The following ADAM9 variants were observed in gnomAD, a reference collection of about 807,000 sequenced individuals.
ADAM9 encodes the protein ADAM metallopeptidase domain 9.
ADAM9 carries 54 observed loss-of-function variants against 108.1 expected under a neutral mutation model. The ratio of observed to expected loss-of-function variants is 0.50; its 90% CI spans 0.40 to 0.63. The LOEUF is 0.63. Among genes scored for constraint, ADAM9 ranks in the 20% least tolerant of loss-of-function variants. The pLI, the probability that ADAM9 is intolerant of heterozygous loss-of-function variation, is 0.00. For synonymous variants in ADAM9, 316 were observed against 336.0 expected (o/e 0.94, Z 0.65); for missense variants, 830 against 997.7 (o/e 0.83, Z 2.26).
chr8:39,070,022 G>A, intron 14 of ADAM9, among the ~76,000 whole-genome samples: 1 of 148,722 alleles, frequency 6.7e-6, no homozygotes, highest in Admixed American at 6.7e-5. Context: ...GTGTGGTGGT[G>A]CATGCCTGCA....
intron 15 of ADAM9, chr8:39,075,751 A>G (rs555549544): frequency 1.3e-5 from 2 of 152,348 alleles, no homozygotes; most frequent in South Asian, 4.1e-4. Flanking sequence ...GTAGGCCCCA[A>G]CAGATCTTAA....
At chr8:39,099,303 C>T (rs943836428) in intron 20 of ADAM9, among the ~76,000 whole-genome samples, 1 of 152,096 alleles carries the variant, frequency 6.6e-6, no homozygotes, top group Non-Finnish European at 1.5e-5. Flanking sequence ...AAGGCAACTC[C>T]GTAGTTTGGA....
At chr8:39,086,431 G>A (rs76172467) in intron 18 of ADAM9, among the ~76,000 whole-genome samples, 6,485 of 152,178 alleles carry the variant, frequency 0.043, 478 homozygotes, top group African/African-American at 0.15. Flanking sequence ...ACTTGATCTA[G>A]TGTGTTTTTC....
chr8:39,075,301 T>C (rs1051251203), intron 15 of ADAM9, among the ~76,000 whole-genome samples: 6 of 152,126 alleles, frequency 3.9e-5, no homozygotes, highest in African/African-American at 1.4e-4. Flanking sequence ...TAGTGCTGGG[T>C]AGTCTTATTA....
intron 8 of ADAM9, among the ~76,000 whole-genome samples, chr8:39,022,105 A>T: frequency 6.6e-6 from 1 of 150,928 alleles, no homozygotes; most frequent in African/African-American, 2.5e-5. Flanking sequence ...TGTGAGAGAG[A>T]GAGAGAGAGA....
chr8:39,026,269 G>T (rs537932094), intron 10 of ADAM9, among the ~76,000 whole-genome samples: 1 of 151,992 alleles, frequency 6.6e-6, no homozygotes, highest in African/African-American at 2.4e-5. Flanking sequence ...CCCACCTCCC[G>T]ACAGGCCCCG....
chr8:39,051,050 T>G (rs1469359290), intron 12 of ADAM9, among the ~76,000 whole-genome samples: 2 of 152,016 alleles, frequency 1.3e-5, no homozygotes, highest in South Asian at 2.1e-4. Context: ...TGGTCCTCCT[T>G]TGGGAGAAGC....
At chr8:38,997,804 A>G (rs559017028) in intron 1 of ADAM9, among the ~76,000 whole-genome samples, 1 of 152,336 alleles carries the variant, frequency 6.6e-6, no homozygotes, top group South Asian at 2.1e-4. Context: ...TTCTTAAAAA[A>G]TCTGTGTTTT....
At chr8:39,036,108 A>G (rs1837266447) in intron 11 of ADAM9, among the ~76,000 whole-genome samples, 1 of 151,848 alleles carries the variant, frequency 6.6e-6, no homozygotes, top group Admixed American at 6.6e-5. Context: ...AGCCAGTTCC[A>G]TTTAATAAAA....
At chr8:39,044,867 TATAC>T (rs1002619749) in intron 12 of ADAM9, among the ~76,000 whole-genome samples, 14 of 147,716 alleles carry the variant, frequency 9.5e-5, no homozygotes, top group Non-Finnish European at 1.3e-4. Context: ...TGTGTGTGTG[TATAC>T]ATACATATAT....
At chr8:39,027,022 T>C (rs1836945710) in intron 11 of ADAM9, among the ~76,000 whole-genome samples, 1 of 152,012 alleles carries the variant, frequency 6.6e-6, no homozygotes, top group Non-Finnish European at 1.5e-5. Context: ...TTACCTGATG[T>C]ATTGCTGAAG....
At chr8:39,016,226 G>A (rs1369763294) in intron 5 of ADAM9, 32 bp downstream of exon 5, 4 of 1,548,180 alleles carry the variant, frequency 2.6e-6, no homozygotes, top group Middle Eastern at 1.7e-4. Flanking sequence ...CTTTTTTTTT[G>A]TTTCCCCTAT....
rs1335265312 is a variant in ADAM9 at position 39,104,388 on chromosome 8, ATTAAT to A, written c.*694_*698del. 1 of 437,950 alleles carries A rather than the reference ATTAAT, an allele frequency of 2.3e-6. No individual in the cohort carries two copies. Among genetic ancestry groups the A allele is most frequent in the Non-Finnish European group, 4.6e-6 (1 of 218,420 alleles). The allele number at this position is 437,950 out of a possible 1,614,324, so 27.1% of individuals were successfully genotyped here. ...ACTATAGGTAATAACTCTTAGAGAAATTAATTTAATATTAGAATTTCTATTATGAA... is the reference window on the plus strand; with the variant it reads ...ACTATAGGTAATAACTCTTAGAGAAATTAATATTAGAATTTCTATTATGAA... On this transcript the variant is annotated 3_prime_UTR_variant, in exon 22 of 22. Coordinates refer to ENST00000487273, the MANE Select transcript of ADAM9 (RefSeq NM_003816.3).
chr8:39,093,289 A>C (rs1839408015), intron 20 of ADAM9, among the ~76,000 whole-genome samples: 1 of 152,076 alleles, frequency 6.6e-6, no homozygotes, highest in Admixed American at 6.6e-5. Flanking sequence ...ATTTCCTTGT[A>C]CAGATACTTA....
chr8:39,072,628 G>GCT (rs1266505126), intron 15 of ADAM9, among the ~76,000 whole-genome samples: 1 of 152,206 alleles, frequency 6.6e-6, no homozygotes, highest in African/African-American at 2.4e-5. Flanking sequence ...CGGCCACAGG[G>GCT]CTCTGCACCT....
chr8:39,012,119 T>C (rs927792881), intron 3 of ADAM9, among the ~76,000 whole-genome samples: 2 of 152,186 alleles, frequency 1.3e-5, no homozygotes, highest in African/African-American at 4.8e-5. Context: ...ACAAAGAAAG[T>C]GCAGGCAGTC....
chr8:39,102,860 A>T (rs1000316031), intron 21 of ADAM9, among the ~76,000 whole-genome samples: 3 of 152,224 alleles, frequency 2.0e-5, no homozygotes, highest in African/African-American at 7.2e-5. Flanking sequence ...AAGGAAGATA[A>T]TTTATTACTT....
intron 1 of ADAM9, among the ~76,000 whole-genome samples, chr8:39,004,017 A>G (rs1388881031): frequency 2.0e-5 from 3 of 152,354 alleles, no homozygotes; most frequent in East Asian, 3.9e-4. Context: ...AACTTTGCCT[A>G]TAAAGTAACT....
chr8:39,069,360 A>G (rs983426257), intron 14 of ADAM9, among the ~76,000 whole-genome samples: 5 of 152,190 alleles, frequency 3.3e-5, no homozygotes, highest in South Asian at 4.1e-4. Flanking sequence ...AGATAAGTCA[A>G]TTCTGGTGTT....
Sources: allele counts gnomAD v4.1 joint callset (sites outside exome capture counted in the v4.1 genomes callset), GRCh38; gene constraint gnomAD v4.1.1; transcripts MANE v1.5; gene names NCBI Gene and HGNC (gene_info 2026-07-23, HGNC 2026-07-21).